UNC80: variants seen among roughly 807,000 people sequenced by gnomAD.
The protein encoded by UNC80 is protein unc-80 homolog.
A neutral mutation model predicts 384.6 loss-of-function variants in UNC80; 164 were observed. The observed-to-expected ratio is 0.43, with a 90% CI of 0.38 to 0.49. UNC80 has a LOEUF of 0.49. Among genes scored for constraint, UNC80 ranks in the 20% least tolerant of loss-of-function variants. The probability of loss-of-function intolerance (pLI) is 0.00; values close to 1 mark genes in which losing one functional copy is unlikely to be tolerated. For synonymous variants in UNC80, 1,486 were observed against 1,527.8 expected (o/e 0.97, Z 0.64); for missense variants, 3,330 against 4,143.0 (o/e 0.80, Z 5.39).
chr2:209,845,979 C>G (rs529068186), intron 21 of UNC80, among the ~76,000 whole-genome samples: 5 of 151,678 alleles, frequency 3.3e-5, no homozygotes, highest in Admixed American at 6.6e-5. Flanking sequence ...CTTGCTCTCT[C>G]TCTTCTTTCT....
intron 13 of UNC80, among the ~76,000 whole-genome samples, chr2:209,821,958 A>T (rs1480162440): frequency 6.6e-6 from 1 of 152,126 alleles, no homozygotes; most frequent in African/African-American, 2.4e-5. Flanking sequence ...TTTTTCTTAC[A>T]TGTTATCATA....
At chr2:209,851,094 C>T (rs906158018) in intron 22 of UNC80, among the ~76,000 whole-genome samples, 1 of 152,024 alleles carries the variant, frequency 6.6e-6, no homozygotes, top group African/African-American at 2.4e-5. Flanking sequence ...CAGTAAACTA[C>T]ACTTCATCTT....
rs1371402948 is a variant in UNC80, at chr2:209,820,344, C to G, written c.1996C>G (p.His666Asp). Residue 666 changes from histidine (H) to aspartate (D), a missense_variant, in exon 13 of 65, where the codon CAT becomes GAT. Physicochemically the swap from His to Asp is moderately conservative, Grantham distance 81. Coordinates refer to ENST00000673920, the MANE Select transcript of UNC80 (RefSeq NM_001371986.1). ...VLKAVYLVLN[H>D]DISSRICDVA... is the part of the protein sequence containing the mutation. ...GAAGGCTGTTTATCTTGTCCTTAAT[C>G]ATGACATCAGCTCTCGTATCTGTGA... 2 of 1,549,502 alleles carry G rather than the reference C, an allele frequency of 1.3e-6. No individual in the cohort carries two copies. Among genetic ancestry groups the G allele is most frequent in the Admixed American group, 4.0e-5 (2 of 50,616 alleles).
At chr2:209,842,135 G>A (rs537597573) in intron 20 of UNC80, among the ~76,000 whole-genome samples, 2 of 152,216 alleles carry the variant, frequency 1.3e-5, no homozygotes, top group Middle Eastern at 3.4e-3. Flanking sequence ...TTTAATCTGG[G>A]ACCTGGTTCC....
chr2:209,930,408 G>A (rs760865406), intron 37 of UNC80, among the ~76,000 whole-genome samples: 4 of 152,024 alleles, frequency 2.6e-5, no homozygotes, highest in Non-Finnish European at 5.9e-5. Flanking sequence ...AAAATACAGC[G>A]ATGATTAAAA....
At chr2:209,846,968 A>G (rs745361274) in intron 21 of UNC80, among the ~76,000 whole-genome samples, 12 of 152,100 alleles carry the variant, frequency 7.9e-5, no homozygotes, top group Non-Finnish European at 1.5e-4. Context: ...AAGTTTTTCT[A>G]ACATGATCAC....
chr2:209,830,354 A>G (rs1249657147), intron 15 of UNC80, among the ~76,000 whole-genome samples: 1 of 152,216 alleles, frequency 6.6e-6, no homozygotes, highest in Non-Finnish European at 1.5e-5. Flanking sequence ...AAGACAATAA[A>G]TTAGGATGGC....
rs113873662 is a variant in UNC80 at position 209,881,625 on chromosome 2, GCACACACA to G, written c.4110+550_4110+557del. Among the ~76,000 whole-genome samples the G allele has an allele frequency of 1.8e-3, 262 of 147,242 alleles. 1 individual carries two copies. The highest frequency in any genetic ancestry group is 6.3e-3 in the African/African-American group (253 of 40,408). On this transcript the variant is annotated intron_variant, in intron 25 of 64. Transcript: ENST00000673920. ...GAAATAAGACCATGCATGTGTGCATGCACACACACACACACACACACACACATGCGTGC... is the reference window on the plus strand; with the variant it reads ...GAAATAAGACCATGCATGTGTGCATGCACACACACACACACACATGCGTGC...
intron 21 of UNC80, 147 bp from the exon 22 acceptor site, chr2:209,849,304 G>A: frequency 1.3e-6 from 1 of 760,708 alleles, no homozygotes; most frequent in Non-Finnish European, 2.1e-6. Flanking sequence ...AAACATTAGG[G>A]TGGAGAGCAA....
intron 22 of UNC80, among the ~76,000 whole-genome samples, chr2:209,854,116 G>A (rs1295283948): frequency 6.6e-6 from 1 of 151,924 alleles, no homozygotes; most frequent in East Asian, 1.9e-4. Flanking sequence ...ATTCATATTG[G>A]GGCTTAACAT....
intron 7 of UNC80, chr2:209,809,576 G>C (rs548575904): frequency 1.2e-5 from 10 of 823,018 alleles, no homozygotes; most frequent in South Asian, 1.1e-4. Context: ...GGGGGCCCTC[G>C]CTGACCCTAG....
rs764110981 is a variant in UNC80, at chr2:209,914,733, GT to G, written c.5029+797del. 4.6e-5 allele frequency among the ~76,000 whole-genome samples: 7 copies of G among 151,778 alleles called. No individual in the cohort carries two copies. The Middle Eastern group carries it at 0.01, about 221-fold the overall frequency. On this transcript the variant is annotated intron_variant, in intron 31 of 64. Coordinates refer to ENST00000673920, the MANE Select transcript of UNC80 (RefSeq NM_001371986.1). Reference sequence around the variant, plus strand: ...TATATATGTAAGTTGTGTATTGAATGTTTTGTTTTTCATGCAAATGGGACAT... The same window carrying G: ...TATATATGTAAGTTGTGTATTGAATGTTTGTTTTTCATGCAAATGGGACAT...
rs2085858094 is a variant in UNC80 at position 209,886,865 on chromosome 2, G to A, written c.4111-1230G>A. Among the ~76,000 whole-genome samples the A allele has an allele frequency of 3.3e-5, 5 of 152,204 alleles. No homozygotes were observed. In the South Asian group the frequency reaches 1.0e-3, roughly 32 times the overall value. On this transcript the variant is annotated intron_variant, in intron 25 of 64. Transcript: ENST00000673920. ...AGCAGCACAAACATGTCACAGTTCT[G>A]GAGGACAGAAATCCAAGGCAGGTAT...
intron 51 of UNC80, 81 bp from the exon 52 acceptor site, chr2:209,967,356 C>T: frequency 2.8e-6 from 3 of 1,067,202 alleles, no homozygotes; most frequent in Non-Finnish European, 3.8e-6. Context: ...GGGTGATTAA[C>T]ATGTTGCTGT....
At chr2:209,833,331 G>A (rs530821570) in intron 16 of UNC80, among the ~76,000 whole-genome samples, 28 of 151,516 alleles carry the variant, frequency 1.8e-4, no homozygotes, top group Non-Finnish European at 2.8e-4. Flanking sequence ...CAGAGAGAGA[G>A]GGGAAATGCT....
rs2090710592 is a variant in UNC80 at position 209,929,767 on chromosome 2, T to C, written c.5807-104T>C. On this transcript the variant is annotated intron_variant, in intron 36 of 64. Transcript: ENST00000673920. Reference sequence around the variant, plus strand: ...AAGAAAAAAGAGTTCACAGAGCCTTTTAAGGCAAAAAGCAGAGACTAAAGC... The same window carrying C: ...AAGAAAAAAGAGTTCACAGAGCCTTCTAAGGCAAAAAGCAGAGACTAAAGC... 3 of 861,318 alleles carry C rather than the reference T, an allele frequency of 3.5e-6. No individual in the cohort carries two copies. In the East Asian group the frequency reaches 9.4e-5, roughly 27 times the overall value. 53.4% of individuals were successfully genotyped at this position (861,318 alleles called of 1,614,324 possible).
intron 42 of UNC80, among the ~76,000 whole-genome samples, chr2:209,938,708 C>CTGTG (rs1446454263): frequency 1.4e-5 from 2 of 138,230 alleles, no homozygotes; most frequent in Non-Finnish European, 3.0e-5. Flanking sequence ...CTCTCTCTCT[C>CTGTG]TCTGTGTGTG....
intron 39 of UNC80, 103 bp from the exon 40 acceptor site, chr2:209,935,611 C>G: frequency 6.4e-6 from 3 of 468,156 alleles, no homozygotes; most frequent in Non-Finnish European, 1.1e-5. Flanking sequence ...TTGTAATTAA[C>G]AGTAAAAACA....
At chr2:209,796,436 A>C (rs2078160853) in intron 7 of UNC80, 1 of 152,060 alleles carries the variant, frequency 6.6e-6, no homozygotes, top group South Asian at 2.1e-4. Flanking sequence ...ACTCTGGGAG[A>C]CTATTGGGAA....
Sources: allele counts gnomAD v4.1 joint callset (sites outside exome capture counted in the v4.1 genomes callset), GRCh38; gene constraint gnomAD v4.1.1; transcripts MANE v1.5; gene names NCBI Gene and HGNC (gene_info 2026-07-23, HGNC 2026-07-21).